The following PLCH1 variants were observed in gnomAD, a reference collection of about 807,000 sequenced individuals.
PLCH1 encodes the protein 1-phosphatidylinositol 4,5-bisphosphate phosphodiesterase eta-1.
PLCH1 carries 60 observed loss-of-function variants against 126.7 expected under a neutral mutation model. The observed-to-expected ratio is 0.47, with a 90% confidence interval of 0.38 to 0.59. The LOEUF (loss-of-function observed/expected upper bound fraction) is 0.59, where lower values mean the gene tolerates loss of function less well. PLCH1 is among the 20% of genes least tolerant of loss of function. PLCH1 has a pLI of 0.00. For missense variants in PLCH1, 1,723 were observed against 2,040.0 expected, an observed-to-expected ratio of 0.84 and a Z score of 2.99; for synonymous variants, 719 against 734.9, an observed-to-expected ratio of 0.98 and a Z score of 0.35.
intron 1 of PLCH1, among the ~76,000 whole-genome samples, chr3:155,731,971 A>G (rs983782836): frequency 9.7e-5 from 14 of 145,014 alleles, no homozygotes; most frequent in African/African-American, 3.4e-4. Context: ...TGGGTGACAA[A>G]CAGAGACCCT....
chr3:155,501,535 G>A (rs558755495), intron 13 of PLCH1, among the ~76,000 whole-genome samples: 21 of 152,120 alleles, frequency 1.4e-4, no homozygotes, highest in African/African-American at 5.1e-4. Context: ...GCTCGCGCCT[G>A]TAATCCCAGC....
chr3:155,700,321 T>C (rs1262043159), intron 2 of PLCH1, among the ~76,000 whole-genome samples: 1 of 152,218 alleles, frequency 6.6e-6, no homozygotes, highest in Non-Finnish European at 1.5e-5. Context: ...TTTATTAAAA[T>C]GTAGTTCTGA....
At chr3:155,655,704 G>A (rs550643721) in intron 2 of PLCH1, among the ~76,000 whole-genome samples, 1 of 152,104 alleles carries the variant, frequency 6.6e-6, no homozygotes, top group African/African-American at 2.4e-5. Flanking sequence ...CCCTAGAATC[G>A]GACATCACCT....
intron 11 of PLCH1, among the ~76,000 whole-genome samples, chr3:155,516,291 G>A (rs1720296535): frequency 6.6e-6 from 1 of 152,210 alleles, no homozygotes; most frequent in African/African-American, 2.4e-5. Flanking sequence ...AAGGAACACG[G>A]CATTACTACC....
At chr3:155,723,930 G>C (rs1748130565) in intron 1 of PLCH1, among the ~76,000 whole-genome samples, 1 of 147,292 alleles carries the variant, frequency 6.8e-6, no homozygotes, top group Non-Finnish European at 1.5e-5. Context: ...CTCTAGCCTG[G>C]GTGACAGAGC....
chr3:155,563,398 T>C (rs1727894630), intron 8 of PLCH1, among the ~76,000 whole-genome samples: 1 of 152,198 alleles, frequency 6.6e-6, no homozygotes, highest in Non-Finnish European at 1.5e-5. Flanking sequence ...TGTTCTCAGA[T>C]TCCCTATAGT....
chr3:155,574,491 A>T (rs1342825763), intron 6 of PLCH1, among the ~76,000 whole-genome samples: 1 of 152,194 alleles, frequency 6.6e-6, no homozygotes, highest in East Asian at 1.9e-4. Context: ...CCTTTAAATC[A>T]GACAAGTTTT....
intron 1 of PLCH1, among the ~76,000 whole-genome samples, chr3:155,725,040 A>C (rs1279688436): frequency 6.6e-6 from 1 of 152,096 alleles, no homozygotes; most frequent in African/African-American, 2.4e-5. Flanking sequence ...TATGAAGCTT[A>C]GTTTTGCTGG....
intron 2 of PLCH1, among the ~76,000 whole-genome samples, chr3:155,648,429 G>T (rs185505296): frequency 6.6e-6 from 1 of 152,106 alleles, no homozygotes; most frequent in Non-Finnish European, 1.5e-5. Context: ...TGGTCTTGAC[G>T]TCCTCCCTGG....
Position 155,514,722 on chromosome 3 carries a change from C to T in PLCH1, c.1632+1G>A. 6.6e-7 allele frequency: 1 copy of T among 1,523,740 alleles called. No homozygotes were observed. The highest frequency in any genetic ancestry group is 8.9e-7 in the Non-Finnish European group (1 of 1,127,076). 94.4% of individuals were successfully genotyped at this position (1,523,740 alleles called of 1,614,324 possible). A position where few individuals can be genotyped will look rare whatever the true frequency, so the allele number is the denominator to read the frequency against. ...GATAAGTACAAGAGGGAATCAGATA[C>T]CTGCTTCAGGTGTGCATTTAAGCCT... On this transcript the variant is annotated splice_donor_variant, in intron 12 of 22. Coordinates refer to ENST00000460012, the MANE Select transcript of PLCH1 (RefSeq NM_014996.4). LOFTEE classifies it high-confidence loss of function.
rs146113012 is a variant in PLCH1 at position 155,602,008 on chromosome 3, A to G, written c.80-5630T>C. Among the ~76,000 whole-genome samples the G allele has an allele frequency of 4.0e-3, 614 of 152,166 alleles. 2 individuals carry two copies. The highest frequency in any genetic ancestry group is 6.5e-3 in the Non-Finnish European group (442 of 68,014). ...TGTTTTTGAGTTTTCTATGATGACT[A>G]TGTTGTTTCTTATCTTTTCCTTCCT... is the stretch of plus-strand genomic sequence containing the variant. On this transcript the variant is annotated intron_variant, in intron 2 of 22. Transcript: ENST00000460012.
chr3:155,529,759 T>TTTTGTTTTG (rs1560117398), intron 10 of PLCH1, among the ~76,000 whole-genome samples: 1 of 150,522 alleles, frequency 6.6e-6, no homozygotes, highest in African/African-American at 2.4e-5. Context: ...ATTTGCTTCT[T>TTTTGTTTTG]TTTTGTTTTG....
At chr3:155,738,313 G>A (rs1371320825) in intron 1 of PLCH1, among the ~76,000 whole-genome samples, 1 of 152,150 alleles carries the variant, frequency 6.6e-6, no homozygotes, top group Non-Finnish European at 1.5e-5. Flanking sequence ...AGACCCAGAA[G>A]AAGGGTGTGC....
At chr3:155,727,527 A>G (rs1748433301) in intron 1 of PLCH1, among the ~76,000 whole-genome samples, 1 of 151,886 alleles carries the variant, frequency 6.6e-6, no homozygotes, top group Non-Finnish European at 1.5e-5. Flanking sequence ...AGCTGAAATT[A>G]CAAGTGTGTG....
At chr3:155,573,381 A>C (rs1333806871) in intron 6 of PLCH1, among the ~76,000 whole-genome samples, 1 of 152,218 alleles carries the variant, frequency 6.6e-6, no homozygotes, top group African/African-American at 2.4e-5. Flanking sequence ...AACTTAAAAC[A>C]ACGACTGTTT....
At chr3:155,697,276 T>A (rs1420002513) in intron 2 of PLCH1, among the ~76,000 whole-genome samples, 3 of 152,132 alleles carry the variant, frequency 2.0e-5, no homozygotes, top group African/African-American at 7.2e-5. Context: ...GTCGCCCTAA[T>A]CTAAAATGTT....
chr3:155,458,574 GAA>G, intron 21 of PLCH1, among the ~76,000 whole-genome samples: 1 of 151,070 alleles, frequency 6.6e-6, no homozygotes, highest in African/African-American at 2.4e-5. Context: ...AAGAAAGAAA[GAA>G]AGAAAGGAAG....
chr3:155,474,148 A>C (rs1267745142), intron 21 of PLCH1, among the ~76,000 whole-genome samples: 18 of 152,082 alleles, frequency 1.2e-4, no homozygotes, highest in Middle Eastern at 3.4e-3. Context: ...CAACCTACAA[A>C]ATGGGAGAAA....
chr3:155,505,228 A>G (rs567348489), intron 12 of PLCH1, among the ~76,000 whole-genome samples: 12 of 152,336 alleles, frequency 7.9e-5, no homozygotes, highest in African/African-American at 2.6e-4. Flanking sequence ...TGTGATGAGC[A>G]CTGGAAAGAG....
Sources: allele counts gnomAD v4.1 joint callset (sites outside exome capture counted in the v4.1 genomes callset), GRCh38; gene constraint gnomAD v4.1.1; transcripts MANE v1.5; gene names NCBI Gene and HGNC (gene_info 2026-07-23, HGNC 2026-07-21).